The following PVT1 variants were observed in gnomAD, a reference collection of about 807,000 sequenced individuals.
The protein encoded by PVT1 is CXCR4/PVT1 fusion.
intron 5 of PVT1, among the ~76,000 whole-genome samples, chr8:128,093,698 CA>C (rs1328555873): frequency 6.6e-6 from 1 of 151,992 alleles, no homozygotes; most frequent in Non-Finnish European, 1.5e-5. Flanking sequence ...AGCGCTACAG[CA>C]CAGTCTCGGC....
intron 4 of PVT1, among the ~76,000 whole-genome samples, chr8:128,060,602 CCTT>C (rs1803005888): frequency 6.6e-6 from 1 of 152,188 alleles, no homozygotes; most frequent in Non-Finnish European, 1.5e-5. Context: ...GGGAAGGAGA[CCTT>C]CTTTCCTGAA....
chr8:128,078,238 T>C (rs1258851767), intron 5 of PVT1, among the ~76,000 whole-genome samples: 1 of 152,192 alleles, frequency 6.6e-6, no homozygotes, highest in African/African-American at 2.4e-5. Flanking sequence ...GTGCCTAGCC[T>C]CTTGTAAGAA....
At chr8:128,006,625 C>T (rs1817250482) in intron 4 of PVT1, among the ~76,000 whole-genome samples, 1 of 152,194 alleles carries the variant, frequency 6.6e-6, no homozygotes, top group African/African-American at 2.4e-5. Flanking sequence ...ACAGTTATTA[C>T]TACAGTGTGT....
At chr8:128,011,152 G>A (rs2130035961) in intron 4 of PVT1, among the ~76,000 whole-genome samples, 1 of 152,284 alleles carries the variant, frequency 6.6e-6, no homozygotes, top group South Asian at 2.1e-4. Context: ...TGTCTTGATG[G>A]TAGGGCAATC....
At chr8:127,902,834 C>T (rs1178125473) in intron 3 of PVT1, among the ~76,000 whole-genome samples, 1 of 152,150 alleles carries the variant, frequency 6.6e-6, no homozygotes, top group East Asian at 1.9e-4. Context: ...TCCAGTCCAC[C>T]ACTGACGGGC....
At chr8:128,043,828 G>C (rs1813575762) in intron 4 of PVT1, among the ~76,000 whole-genome samples, 1 of 127,948 alleles carries the variant, frequency 7.8e-6, no homozygotes, top group East Asian at 2.3e-4. Context: ...CAAACATCTT[G>C]TCTTTTTTTT....
intron 3 of PVT1, among the ~76,000 whole-genome samples, chr8:127,977,106 T>A (rs1357316437): frequency 2.0e-5 from 3 of 152,344 alleles, no homozygotes; most frequent in African/African-American, 7.2e-5. Flanking sequence ...AACTTTACTA[T>A]CCCTTTCTTA....
chr8:127,919,582 A>G (rs1170149570), intron 3 of PVT1, among the ~76,000 whole-genome samples: 1 of 152,126 alleles, frequency 6.6e-6, no homozygotes, highest in Non-Finnish European at 1.5e-5. Flanking sequence ...CTCCGGCTCT[A>G]TTGGCGACTG....
intron 2 of PVT1, among the ~76,000 whole-genome samples, chr8:127,802,019 G>C (rs1221475807): frequency 6.6e-6 from 1 of 151,752 alleles, no homozygotes; most frequent in South Asian, 2.1e-4. Context: ...GGGTTCAAGC[G>C]ATTCTCCTGC....
chr8:127,977,144 A>G (rs908896171), intron 3 of PVT1, among the ~76,000 whole-genome samples: 1 of 152,246 alleles, frequency 6.6e-6, no homozygotes, highest in Non-Finnish European at 1.5e-5. Flanking sequence ...TCTTGTTTGC[A>G]CAAAGCCCAG....
intron 3 of PVT1, among the ~76,000 whole-genome samples, chr8:127,914,982 C>A (rs1043687902): frequency 3.3e-5 from 5 of 152,042 alleles, no homozygotes; most frequent in Non-Finnish European, 7.4e-5. Flanking sequence ...TGTGCCATCA[C>A]ACCCGGCTAA....
At chr8:128,035,307 T>C (rs766203834) in intron 4 of PVT1, among the ~76,000 whole-genome samples, 6 of 152,184 alleles carry the variant, frequency 3.9e-5, no homozygotes, top group Admixed American at 2.0e-4. Context: ...ACATGACTCA[T>C]TGGGGACTTC....
rs146359369 is a variant in PVT1, at chr8:127,801,243, T to C, written n.372+5172T>C. Among the ~76,000 whole-genome samples the C allele has an allele frequency of 8.3e-4, 126 of 152,274 alleles. 2 individuals carry two copies. Among genetic ancestry groups the C allele is most frequent in the African/African-American group, 2.9e-3 (122 of 41,550 alleles). The stretch of plus-strand genomic sequence containing the variant: ...GAGCCCTTGCGGTGTTTTTTGTTTT[T>C]GTTTTTTGTTTGTTATGAGGCAGAG... On this transcript the variant is annotated intron_variant and non_coding_transcript_variant, in intron 2 of 10. Coordinates refer to ENST00000651587, the Ensembl canonical transcript of PVT1.
chr8:127,963,972 G>A lies in PVT1; in HGVS notation n.783-25190G>A, dbSNP rs541392735. 1.2e-4 allele frequency among the ~76,000 whole-genome samples: 19 copies of A among 152,346 alleles called. No individual in the cohort carries two copies. In the South Asian group the frequency reaches 3.9e-3, roughly 32 times the overall value. ...TATTCGTCCAGTAACGTTTGTCAGG[G>A]GTTGAATGTCGAGTGGAGAATGGCT... On this transcript the variant is annotated intron_variant and non_coding_transcript_variant, in intron 3 of 10. Transcript: ENST00000651587.
At chr8:127,839,240 A>G (rs1002085494) in intron 2 of PVT1, among the ~76,000 whole-genome samples, 11 of 152,210 alleles carry the variant, frequency 7.2e-5, no homozygotes, top group African/African-American at 2.7e-4. Flanking sequence ...AACTTGGCCC[A>G]AGGTCACCCA....
intron 3 of PVT1, among the ~76,000 whole-genome samples, chr8:127,918,517 T>C (rs1307672647): frequency 6.6e-6 from 1 of 152,244 alleles, no homozygotes; most frequent in East Asian, 1.9e-4. Flanking sequence ...GAATGTTTAC[T>C]GGCTTCTAGT....
chr8:128,059,731 C>G (rs953598395), intron 4 of PVT1, among the ~76,000 whole-genome samples: 1 of 152,128 alleles, frequency 6.6e-6, no homozygotes, highest in Non-Finnish European at 1.5e-5. Flanking sequence ...CATCCAATCC[C>G]GCATAGTGTT....
chr8:127,993,511 A>T (rs1817067468), intron 4 of PVT1, among the ~76,000 whole-genome samples: 1 of 152,018 alleles, frequency 6.6e-6, no homozygotes, highest in Non-Finnish European at 1.5e-5. Flanking sequence ...CTCCGGGGGG[A>T]TTTATTCTGT....
chr8:127,919,202 C>T (rs985313937), intron 3 of PVT1, among the ~76,000 whole-genome samples: 27 of 152,190 alleles, frequency 1.8e-4, no homozygotes, highest in African/African-American at 6.5e-4. Flanking sequence ...TCACCTGCCT[C>T]TGCACTTTAA....
Sources: gnomAD v4.1 joint callset for allele counts (sites outside exome capture counted in the v4.1 genomes callset) on GRCh38, gnomAD v4.1.1 for gene constraint, MANE v1.5 for transcripts, NCBI Gene and HGNC (gene_info 2026-07-23, HGNC 2026-07-21) for gene names.